Variants in CALM2 observed in about 807,000 individuals in gnomAD.
The protein encoded by CALM2 is calmodulin-2.
In CALM2, 2 loss-of-function variants were observed where a neutral mutation model predicts 19.8. That is an observed-to-expected ratio of 0.10 (90% confidence interval 0.04 to 0.32). CALM2 has a LOEUF of 0.32. Among genes scored for constraint, CALM2 ranks in the 10% least tolerant of loss-of-function variants. The probability of loss-of-function intolerance (pLI) is 1.00; values close to 1 mark genes in which losing one functional copy is unlikely to be tolerated. For synonymous variants in CALM2, 51 were observed against 52.1 expected (o/e 0.98, Z 0.09); for missense variants, 38 against 178.7 (o/e 0.21, Z 4.49).
At chr2:47,176,911 G>T, upstream of CALM2, 1 of 985,382 alleles carries the variant, frequency 1.0e-6, no homozygotes, top group Non-Finnish European at 1.2e-6. Context: ...TGCCGTTGCT[G>T]CTCGGGCCGC....
chr2:47,169,762 G>C (rs1488228568), intron 2 of CALM2, among the ~76,000 whole-genome samples: 2 of 152,136 alleles, frequency 1.3e-5, no homozygotes, highest in African/African-American at 2.4e-5. Flanking sequence ...TGGGGAGCTT[G>C]CTTTAAATGG....
chr2:47,161,924 TTAAGTTTACTAC>T, intron 4 of CALM2, 66 bp from the exon 5 acceptor site: 2 of 1,287,546 alleles, frequency 1.6e-6, no homozygotes, highest in Non-Finnish European at 1.1e-6. Flanking sequence ...TGGAAATTTA[TTAAGTTTACTAC>T]TAAATTTCAC....
At chr2:47,175,958 C>T (rs1017577428) in intron 1 of CALM2, among the ~76,000 whole-genome samples, 4 of 151,438 alleles carry the variant, frequency 2.6e-5, no homozygotes, top group African/African-American at 4.9e-5. Flanking sequence ...CCCAGGGCCC[C>T]GCGCGCTCCT....
At chr2:47,165,096 A>G (rs1666420251) in intron 2 of CALM2, among the ~76,000 whole-genome samples, 1 of 152,164 alleles carries the variant, frequency 6.6e-6, no homozygotes, top group Admixed American at 6.5e-5. Context: ...CAAACAATCC[A>G]CTATTTTAAA....
At chr2:47,169,702 G>A (rs1358576839) in intron 2 of CALM2, among the ~76,000 whole-genome samples, 5 of 152,112 alleles carry the variant, frequency 3.3e-5, no homozygotes, top group African/African-American at 1.2e-4. Flanking sequence ...AGTATTTGAG[G>A]TGACTAGTGT....
chr2:47,167,653 TAC>T (rs1666520311), intron 2 of CALM2: 1 of 113,888 alleles, frequency 8.8e-6, no homozygotes, highest in Non-Finnish European at 1.6e-5. Flanking sequence ...AAGATCATGC[TAC>T]TGCACTCCAG....
intron 1 of CALM2, among the ~76,000 whole-genome samples, chr2:47,175,575 G>T (rs1666830468): frequency 6.6e-6 from 1 of 152,140 alleles, no homozygotes; most frequent in Non-Finnish European, 1.5e-5. Context: ...ACTTTAAAAA[G>T]CAATTTTTTT....
In CALM2 at chr2:47,176,462, T is replaced by C. The variant is rs757913061; in HGVS notation, c.-19A>G. 4 of 1,613,766 alleles carry C rather than the reference T, an allele frequency of 2.5e-6. No homozygotes were observed. Among genetic ancestry groups the C allele is most frequent in the Non-Finnish European group, 3.4e-6 (4 of 1,179,980 alleles). On this transcript the variant is annotated 5_prime_UTR_variant, in exon 1 of 6. Coordinates refer to ENST00000272298, the MANE Select transcript of CALM2 (RefSeq NM_001743.6). ...TCACCATGCTGCAAGCGCTACCGGT[T>C]TCCGAGACGCGACCACACAACCACT...
At chr2:47,161,672 C>G (rs1687160698) in intron 5 of CALM2, 51 bp downstream of exon 5, 2 of 1,560,398 alleles carry the variant, frequency 1.3e-6, no homozygotes, top group Non-Finnish European at 1.7e-6. Context: ...CAAAGAGCCT[C>G]TTATCTTAAA....
At chr2:47,168,523 G>C (rs1296658169) in intron 2 of CALM2, among the ~76,000 whole-genome samples, 1 of 152,070 alleles carries the variant, frequency 6.6e-6, no homozygotes, top group Non-Finnish European at 1.5e-5. Context: ...TGGATCACCT[G>C]AGGTTGCGAG....
At chr2:47,172,086 C>G (rs1185749770) in intron 1 of CALM2, 2 of 153,750 alleles carry the variant, frequency 1.3e-5, no homozygotes, top group Non-Finnish European at 2.9e-5. Flanking sequence ...ACTTTTATCC[C>G]TAAAGTCCAA....
chr2:47,166,518 A>T (rs1449370594), intron 2 of CALM2, among the ~76,000 whole-genome samples: 1 of 152,224 alleles, frequency 6.6e-6, no homozygotes, highest in African/African-American at 2.4e-5. Context: ...AGAAAATAAA[A>T]CCGTATCTAT....
intron 2 of CALM2, among the ~76,000 whole-genome samples, chr2:47,164,756 T>C (rs1056314133): frequency 2.0e-5 from 3 of 152,228 alleles, no homozygotes; most frequent in African/African-American, 7.2e-5. Flanking sequence ...CCAAGTTCAT[T>C]GGGCCATTAA....
At chr2:47,176,146 G>A in intron 1 of CALM2, 1 of 454,656 alleles carries the variant, frequency 2.2e-6, no homozygotes, top group Non-Finnish European at 3.9e-6. Context: ...CGTGCACTGG[G>A]CTGTCCCTCA....
chr2:47,176,703 C>G (rs1416380340), upstream of CALM2: 1 of 1,401,376 alleles, frequency 7.1e-7, no homozygotes, highest in Non-Finnish European at 9.3e-7. Context: ...GAACGGATGA[C>G]GTAAGTGGGT....
upstream of CALM2, chr2:47,176,623 C>A: frequency 6.6e-7 from 1 of 1,515,658 alleles, no homozygotes; most frequent in Non-Finnish European, 8.8e-7. Flanking sequence ...CCCCTCCCCT[C>A]AAACTCTTCT....
At chr2:47,170,287 T>C (rs967010844) in intron 2 of CALM2, among the ~76,000 whole-genome samples, 2 of 152,360 alleles carry the variant, frequency 1.3e-5, no homozygotes, top group African/African-American at 4.8e-5. Context: ...TGACTGATTA[T>C]ATATGCAATT....
intron 1 of CALM2, 38 bp downstream of exon 1, chr2:47,176,403 C>T (rs766591484): frequency 8.1e-6 from 13 of 1,611,282 alleles, no homozygotes; most frequent in East Asian, 2.2e-5. Flanking sequence ...TCTCTTCCCC[C>T]CACAGGCCCA....
rs150904805 is a variant in CALM2 at position 47,169,295 on chromosome 2, TA to T, written c.34+1438del. Among the ~76,000 whole-genome samples, 672 of 152,052 alleles carry T rather than the reference TA, an allele frequency of 4.4e-3. 20 individuals are homozygous for T. Among genetic ancestry groups the T allele is most frequent in the Admixed American group, 0.032 (481 of 15,250 alleles). On this transcript the variant is annotated intron_variant, in intron 2 of 5. Transcript: ENST00000272298. ...ATTTGGGAAGGAGACAGTATATTTA[TA>T]AAAAAAACTACTTCAGAAAAACATT...
Sources: gnomAD v4.1 joint callset for allele counts (sites outside exome capture counted in the v4.1 genomes callset) on GRCh38, gnomAD v4.1.1 for gene constraint, MANE v1.5 for transcripts, NCBI Gene and HGNC (gene_info 2026-07-23, HGNC 2026-07-21) for gene names.